The following CSMD2 variants were observed in gnomAD, a reference collection of about 807,000 sequenced individuals.
CSMD2 encodes the protein CUB and Sushi multiple domains 2, also known as CUB and sushi domain-containing protein 2.
Under a neutral mutation model 398.5 loss-of-function variants are expected in CSMD2, and 130 were observed. That is an observed-to-expected ratio of 0.33 (90% confidence interval 0.28 to 0.38). The LOEUF is 0.38. Among genes scored for constraint, CSMD2 ranks in the 10% least tolerant of loss-of-function variants. CSMD2 has a pLI of 1.00. For synonymous variants in CSMD2, 1,828 were observed against 1,908.5 expected (o/e 0.96, Z 1.10); for missense variants, 3,829 against 4,764.9 (o/e 0.80, Z 5.78).
At chr1:33,748,179 G>A (rs551198423) in intron 13 of CSMD2, among the ~76,000 whole-genome samples, 10 of 152,146 alleles carry the variant, frequency 6.6e-5, no homozygotes, top group Non-Finnish European at 1.0e-4. Context: ...GGAAGTGTGC[G>A]TTGTCTTACA....
rs1332194240 is a variant in CSMD2, at chr1:34,163,237, C to T, written c.187+1674G>A. ...CCTGGCGGGAGGTAGCAGCGATTCC[C>T]CCACCGCCCATGTGGCAAGTCTGGG... On this transcript the variant is annotated intron_variant, in intron 1 of 70. Coordinates refer to ENST00000373381, the MANE Select transcript of CSMD2 (RefSeq NM_001281956.2). The surrounding 1 kb of genome is among the most constrained non-coding windows in gnomAD (Gnocchi z 5.4). 6.6e-6 allele frequency among the ~76,000 whole-genome samples: 1 copy of T among 152,244 alleles called. No individual in the cohort carries two copies. Among genetic ancestry groups the T allele is most frequent in the African/African-American group, 2.4e-5 (1 of 41,472 alleles).
intron 1 of CSMD2, among the ~76,000 whole-genome samples, chr1:34,145,040 T>A (rs555309716): frequency 1.3e-5 from 2 of 152,318 alleles, no homozygotes; most frequent in South Asian, 4.1e-4. Flanking sequence ...AATTAAGGGA[T>A]GGTGGTTCCC....
At chr1:33,590,290 T>C (rs958269038) in intron 44 of CSMD2, among the ~76,000 whole-genome samples, 14 of 124,260 alleles carry the variant, frequency 1.1e-4, no homozygotes, top group Admixed American at 3.2e-4. Flanking sequence ...CCTGGCTAAT[T>C]AAAATTTTTT....
At chr1:33,742,774 T>C (rs946032255) in intron 14 of CSMD2, among the ~76,000 whole-genome samples, 1 of 152,066 alleles carries the variant, frequency 6.6e-6, no homozygotes, top group Admixed American at 6.6e-5. Flanking sequence ...AACAGAAGTG[T>C]TGCTCCAAAG....
chr1:33,793,079 G>T (rs904071822), intron 10 of CSMD2, among the ~76,000 whole-genome samples: 7 of 152,224 alleles, frequency 4.6e-5, no homozygotes, highest in African/African-American at 1.7e-4. Context: ...CCATATGCCA[G>T]GCTGGGCGGT....
intron 39 of CSMD2, among the ~76,000 whole-genome samples, chr1:33,615,318 T>C (rs12046869): frequency 0.014 from 2,171 of 152,264 alleles, 52 homozygotes; most frequent in East Asian, 0.12. Context: ...AGTTCTTTTC[T>C]TTTGCATCTT....
intron 1 of CSMD2, among the ~76,000 whole-genome samples, chr1:34,152,691 T>C (rs1234878769): frequency 6.6e-6 from 1 of 152,200 alleles, no homozygotes; most frequent in African/African-American, 2.4e-5. Flanking sequence ...TAAAGAGTTG[T>C]CCCTCTTCTT....
Position 33,592,285 on chromosome 1 carries a change from T to C in CSMD2, c.6857-5117A>G, listed in dbSNP as rs552923641. On this transcript the variant is annotated intron_variant, in intron 44 of 70. Coordinates refer to ENST00000373381, the MANE Select transcript of CSMD2 (RefSeq NM_001281956.2). ...TGGAAAGTAGAAGAGCAGCAATCCA[T>C]TGCACTTGGATTTTTATCTTTTCAG... is the stretch of plus-strand genomic sequence containing the variant. 233 of 695,950 alleles carry C rather than the reference T, an allele frequency of 3.3e-4. 3 individuals are homozygous for C. Among genetic ancestry groups the C allele is most frequent in the South Asian group, 2.8e-3 (183 of 64,920 alleles). 43.1% of individuals were successfully genotyped at this position (695,950 alleles called of 1,614,324 possible). A position where few individuals can be genotyped will look rare whatever the true frequency, so the allele number is the denominator to read the frequency against.
chr1:33,520,475 T>C (rs1277318525), intron 68 of CSMD2, among the ~76,000 whole-genome samples: 1 of 152,114 alleles, frequency 6.6e-6, no homozygotes, highest in Non-Finnish European at 1.5e-5. Context: ...CCCTGCTAAC[T>C]GAGGGGCTGG....
intron 49 of CSMD2, among the ~76,000 whole-genome samples, chr1:33,574,997 C>A (rs1237604327): frequency 6.6e-6 from 1 of 152,198 alleles, no homozygotes; most frequent in Admixed American, 6.5e-5. Flanking sequence ...CCTGGCCTGG[C>A]CTTGCTCTTG....
At chr1:33,657,782 G>T (rs1280337921) in intron 27 of CSMD2, among the ~76,000 whole-genome samples, 164 bp downstream of exon 27, 1 of 152,124 alleles carries the variant, frequency 6.6e-6, no homozygotes, top group Non-Finnish European at 1.5e-5. Context: ...GTGCGTGTGG[G>T]GACACATGCA....
intron 5 of CSMD2, among the ~76,000 whole-genome samples, chr1:33,879,942 GT>G (rs1421444402): frequency 6.6e-6 from 1 of 152,090 alleles, no homozygotes; most frequent in Non-Finnish European, 1.5e-5. Flanking sequence ...AATATGTTAA[GT>G]TCTATGCAAA....
chr1:33,545,593 A>G (rs754218360), intron 57 of CSMD2, among the ~76,000 whole-genome samples: 6 of 152,154 alleles, frequency 3.9e-5, no homozygotes, highest in Non-Finnish European at 7.3e-5. Context: ...CATTAATCCC[A>G]TTCCATGACC....
intron 5 of CSMD2, among the ~76,000 whole-genome samples, chr1:33,902,965 C>G (rs967061622): frequency 6.6e-6 from 1 of 152,198 alleles, no homozygotes; most frequent in Admixed American, 6.5e-5. Context: ...GCAGACAGTA[C>G]CCATCAAATC....
intron 29 of CSMD2, among the ~76,000 whole-genome samples, chr1:33,638,305 C>T (rs1236608006): frequency 6.6e-6 from 1 of 152,190 alleles, no homozygotes; most frequent in African/African-American, 2.4e-5. Flanking sequence ...GACCTGTCAT[C>T]ATGTCTTTTG....
chr1:33,774,791 C>G (rs1483600327), intron 12 of CSMD2, among the ~76,000 whole-genome samples: 1 of 152,222 alleles, frequency 6.6e-6, no homozygotes, highest in Non-Finnish European at 1.5e-5. Context: ...TCTGCCCAGC[C>G]TTCCCATCGT....
Position 33,705,462 on chromosome 1 carries a change from T to G in CSMD2, c.3576+3627A>C, listed in dbSNP as rs112300501. On this transcript the variant is annotated intron_variant, in intron 22 of 70. Transcript: ENST00000373381. ...TACTCGTTGATACCAAAGTTTCTAC[T>G]TGCCTCATTAAGAAAAAATGAGTTG... 2.2e-4 allele frequency among the ~76,000 whole-genome samples: 34 copies of G among 152,176 alleles called. 1 individual carries two copies. The highest frequency in any genetic ancestry group is 7.7e-4 in the African/African-American group (32 of 41,454).
chr1:33,569,443 G>A lies in CSMD2; in HGVS notation c.8062C>T (p.Leu2688=), dbSNP rs1659374388. 6.2e-7 allele frequency: 1 copy of A among 1,614,084 alleles called. No individual in the cohort carries two copies. The highest frequency in any genetic ancestry group is 8.5e-7 in the Non-Finnish European group (1 of 1,180,040). ...CACTCACGCACCCTGGAGCCCACCA[G>A]TGTGTATCCGGAATTGCAGGAGAAG... ...AIFSCNSGYT[L]VGSRVRECMA... Residue 2688 remains leucine (L), a synonymous_variant, in exon 52 of 71, where the codon CTG becomes TTG. Coordinates refer to ENST00000373381, the MANE Select transcript of CSMD2 (RefSeq NM_001281956.2).
At chr1:33,527,129 T>A in intron 65 of CSMD2, 67 bp downstream of exon 65, 1 of 1,424,620 alleles carries the variant, frequency 7.0e-7, no homozygotes, top group East Asian at 2.3e-5. Flanking sequence ...GCAACACGAG[T>A]TTTCTGGCTA....
Sources: gnomAD v4.1 joint callset for allele counts (sites outside exome capture counted in the v4.1 genomes callset) on GRCh38, gnomAD v4.1.1 for gene constraint, Gnocchi (gnomAD v3.1) non-coding constraint, MANE v1.5 for transcripts, NCBI Gene and HGNC (gene_info 2026-07-23, HGNC 2026-07-21) for gene names.